Variants in GDAP1 observed in about 807,000 individuals in gnomAD.
GDAP1 encodes the protein ganglioside-induced differentiation-associated protein 1.
Under a neutral mutation model 40.1 loss-of-function variants are expected in GDAP1, and 34 were observed. The observed-to-expected ratio is 0.85, with a 90% CI of 0.64 to 1.13. The LOEUF is 1.13. Among genes scored for constraint, GDAP1 ranks in the 50% most tolerant of loss-of-function variants. GDAP1 has a pLI of 0.00. For synonymous variants in GDAP1, 170 were observed against 157.4 expected, an observed-to-expected ratio of 1.08 and a Z score of -0.60; for missense variants, 374 against 433.7, an observed-to-expected ratio of 0.86 and a Z score of 1.22.
intron 2 of GDAP1, among the ~76,000 whole-genome samples, chr8:74,415,118 C>T (rs929649041): frequency 1.3e-5 from 2 of 149,872 alleles, no homozygotes; most frequent in Non-Finnish European, 2.9e-5. Flanking sequence ...AAAAGAGTCT[C>T]AGATGAAGCA....
At chr8:74,369,408 G>A (rs1365425938), downstream of GDAP1, among the ~76,000 whole-genome samples, 3 of 152,044 alleles carry the variant, frequency 2.0e-5, no homozygotes, top group East Asian at 5.8e-4. Context: ...GAAAATCATG[G>A]GAGAGAAATT....
chr8:74,482,231 C>T (rs79710627), intron 2 of GDAP1, among the ~76,000 whole-genome samples: 8,427 of 151,900 alleles, frequency 0.055, 312 homozygotes, highest in East Asian at 0.085. Context: ...ATGGAGTTCA[C>T]GATTCCTTCA....
Position 74,400,903 on chromosome 8 carries a change from G to A in GDAP1, c.165+49582G>A, listed in dbSNP as rs371691335. Among the ~76,000 whole-genome samples, 808 of 149,346 alleles carry A rather than the reference G, an allele frequency of 5.4e-3. 60 individuals are homozygous for A. The highest frequency in any genetic ancestry group is 0.019 in the African/African-American group (749 of 38,786). ...GCCCCCACTCTCTTCTGGCTTATAG[G>A]GTTTCTGCCGAGAGATCCGCTGTTA... On this transcript the variant is annotated intron_variant, in intron 2 of 2. Coordinates refer to the GDAP1 transcript ENST00000523640.
intron 2 of GDAP1, among the ~76,000 whole-genome samples, chr8:74,408,287 A>G (rs1279018606): frequency 6.7e-6 from 1 of 150,166 alleles, no homozygotes; most frequent in Non-Finnish European, 1.5e-5. Flanking sequence ...TGCATTCTCC[A>G]TTGGAGATTG....
chr8:74,382,786 C>T (rs914347396), intron 2 of GDAP1, among the ~76,000 whole-genome samples: 1 of 151,532 alleles, frequency 6.6e-6, no homozygotes, highest in Non-Finnish European at 1.5e-5. Flanking sequence ...ACTTTTTTTT[C>T]CCTGAGTATG....
intron 2 of GDAP1, among the ~76,000 whole-genome samples, chr8:74,443,205 T>A (rs1345293298): frequency 6.6e-6 from 1 of 152,114 alleles, no homozygotes; most frequent in Non-Finnish European, 1.5e-5. Flanking sequence ...CCCAGAACCA[T>A]AAGTGCATTT....
At chr8:74,351,198 C>T (rs1022040507) in intron 1 of GDAP1, 76 bp from the exon 2 acceptor site, 25 of 1,188,130 alleles carry the variant, frequency 2.1e-5, no homozygotes, top group Admixed American at 2.0e-4. Context: ...CCCAGAAAGG[C>T]TGCTTAGCGG....
intron 2 of GDAP1, among the ~76,000 whole-genome samples, chr8:74,421,982 T>G (rs1260900465): frequency 1.3e-5 from 2 of 152,148 alleles, no homozygotes; most frequent in African/African-American, 4.8e-5. Flanking sequence ...TCTGCGAAGT[T>G]CTAACATCTT....
At chr8:74,369,667 A>G (rs141093499), downstream of GDAP1, among the ~76,000 whole-genome samples, 142 of 152,014 alleles carry the variant, frequency 9.3e-4, no homozygotes, top group Non-Finnish European at 1.5e-3. Flanking sequence ...ATAATGCCAT[A>G]TTTTCCCAAA....
chr8:74,386,531 T>A (rs1324879025), intron 2 of GDAP1, among the ~76,000 whole-genome samples: 1 of 152,158 alleles, frequency 6.6e-6, no homozygotes, highest in Non-Finnish European at 1.5e-5. Context: ...TTTGTTCTGT[T>A]CCATTGCTCT....
At chr8:74,363,142 T>C in intron 5 of GDAP1, 89 bp downstream of exon 5, 1 of 740,156 alleles carries the variant, frequency 1.4e-6, no homozygotes, top group Non-Finnish European at 2.4e-6. Flanking sequence ...CGTTCTGTAA[T>C]CTGCTTTTCA....
rs73689114 is a variant in GDAP1, at chr8:74,392,453, C to G, written c.165+41132C>G. ...ATGGCCCATATAGCAGTGGTTAAGG[C>G]CTATGCTGATCTCAGTGGAAAATGT... On this transcript the variant is annotated intron_variant, in intron 2 of 2. Transcript: ENST00000523640. Among the ~76,000 whole-genome samples the G allele has an allele frequency of 3.9e-3, 594 of 152,168 alleles. 8 individuals carry two copies. The highest frequency in any genetic ancestry group is 0.014 in the African/African-American group (567 of 41,456).
chr8:74,464,461 C>T (rs1010279948), intron 2 of GDAP1, among the ~76,000 whole-genome samples: 11 of 152,144 alleles, frequency 7.2e-5, no homozygotes, highest in African/African-American at 2.7e-4. Flanking sequence ...ATGTGCAACC[C>T]TAAGGGAGGA....
At chr8:74,357,124 G>A (rs1436419877) in intron 2 of GDAP1, among the ~76,000 whole-genome samples, 2 of 152,166 alleles carry the variant, frequency 1.3e-5, no homozygotes, top group Non-Finnish European at 2.9e-5. Flanking sequence ...TACAGTCTAA[G>A]TAAAATAAAC....
chr8:74,367,017 A>T (rs1006502086), downstream of GDAP1: 2 of 271,180 alleles, frequency 7.4e-6, no homozygotes, highest in Non-Finnish European at 1.5e-5. Context: ...TATTTTCGTT[A>T]TAACAAAATT....
intron 2 of GDAP1, among the ~76,000 whole-genome samples, chr8:74,438,305 A>G (rs1403448558): frequency 6.6e-6 from 1 of 152,080 alleles, no homozygotes; most frequent in Non-Finnish European, 1.5e-5. Flanking sequence ...AGAAGGGCTG[A>G]GTAATGAGTA....
intron 1 of GDAP1, 74 bp downstream of exon 1, chr8:74,350,652 C>A: frequency 1.0e-6 from 1 of 963,180 alleles, no homozygotes; most frequent in Non-Finnish European, 1.7e-6. Flanking sequence ...CTGAGTCCCG[C>A]CCAGGGAAGC....
chr8:74,360,315 G>C lies in GDAP1; in HGVS notation c.484+5G>C. On this transcript the variant is annotated splice_donor_5th_base_variant and intron_variant, in intron 3 of 5. Coordinates refer to ENST00000220822, the MANE Select transcript of GDAP1 (RefSeq NM_018972.4). ...ATGCAACTACAAGGATTCGTAGTAT[G>C]TAAACATTTTAAAGACCTGGAATTC... 6.2e-7 allele frequency: 1 copy of C among 1,608,818 alleles called. No individual in the cohort carries two copies. Among genetic ancestry groups the C allele is most frequent in the Non-Finnish European group, 8.5e-7 (1 of 1,175,194 alleles).
At chr8:74,419,831 A>G (rs1031831487) in intron 2 of GDAP1, among the ~76,000 whole-genome samples, 9 of 152,092 alleles carry the variant, frequency 5.9e-5, no homozygotes, top group African/African-American at 2.2e-4. Flanking sequence ...GCTAATTTTT[A>G]TATATGGTGT....
Sources: allele counts gnomAD v4.1 joint callset (sites outside exome capture counted in the v4.1 genomes callset), GRCh38; gene constraint gnomAD v4.1.1; transcripts MANE v1.5; gene names NCBI Gene and HGNC (gene_info 2026-07-23, HGNC 2026-07-21).